Variants in GNB1L observed in about 807,000 individuals in gnomAD.
GNB1L encodes G protein subunit beta 1 like.
Under a neutral mutation model 29.1 loss-of-function variants are expected in GNB1L, and 20 were observed. That is an observed-to-expected ratio of 0.69 (90% CI 0.48 to 1.00). GNB1L has a LOEUF of 1.00. GNB1L is among the 50% of genes least tolerant of loss of function. GNB1L has a pLI of 0.00. For synonymous variants in GNB1L, 193 were observed against 206.5 expected, an observed-to-expected ratio of 0.93 and a Z score of 0.56; for missense variants, 421 against 464.9, an observed-to-expected ratio of 0.91 and a Z score of 0.87.
intron 2 of GNB1L, among the ~76,000 whole-genome samples, chr22:19,854,086 C>T (rs1263302775): frequency 6.6e-6 from 1 of 152,200 alleles, no homozygotes; most frequent in African/African-American, 2.4e-5. Flanking sequence ...AACCCTGGGC[C>T]GCACTCTCAC....
intron 2 of GNB1L, among the ~76,000 whole-genome samples, chr22:19,824,701 G>A (rs1479515020): frequency 1.3e-5 from 2 of 152,220 alleles, no homozygotes; most frequent in Admixed American, 6.5e-5. Context: ...GGGGACCAGC[G>A]GGTAGGTGCA....
Position 19,851,039 on chromosome 22 carries a change from T to C in GNB1L, c.-21+3404A>G, listed in dbSNP as rs549324793. On this transcript the variant is annotated intron_variant, in intron 2 of 7. Coordinates refer to ENST00000329517, the MANE Select transcript of GNB1L (RefSeq NM_053004.3). ...CAGCGCAGAGTCCAAAACAAGCGCA[T>C]CTTGCCCAGCTATGGGGTCTGAAGT... The C allele has an allele frequency of 1.5e-4, 223 of 1,446,106 alleles. No homozygotes were observed. The African/African-American group carries it at 3.0e-3, about 19-fold the overall frequency. The allele number at this position is 1,446,106 out of a possible 1,614,324, so 89.6% of individuals were successfully genotyped here.
chr22:19,785,921 ACCTGT>A lies in GNB1L; in HGVS notation c.*2783_*2787del, dbSNP rs1464325770. The A allele has an allele frequency of 6.6e-6, 1 of 152,280 alleles. No homozygotes were observed. The highest frequency in any genetic ancestry group is 1.9e-4 in the East Asian group (1 of 5,196). The allele number at this position is 152,280 out of a possible 1,614,324, so 9.4% of individuals were successfully genotyped here. Reference sequence around the variant, plus strand: ...CCAGGTTCTGTTGACACAAAGGCCGACCTGTCCAGAGCCACATGGCTCTGCTGTGG... The same window carrying A: ...CCAGGTTCTGTTGACACAAAGGCCGACCAGAGCCACATGGCTCTGCTGTGG... On this transcript the variant is annotated 3_prime_UTR_variant, in exon 8 of 8. Transcript: ENST00000329517. This position sits in a 1 kb window ranked among gnomAD's most constrained non-coding sequence, Gnocchi z 4.1.
chr22:19,851,086 T>A, intron 2 of GNB1L: 1 of 1,484,276 alleles, frequency 6.7e-7, no homozygotes. Context: ...ACCACTCTGC[T>A]CTGACTGGGG....
intron 2 of GNB1L, chr22:19,848,946 C>T: frequency 3.0e-6 from 3 of 985,510 alleles, no homozygotes; most frequent in Non-Finnish European, 2.4e-6. Flanking sequence ...ACTCTGGGTT[C>T]TACTGCCAGA....
At chr22:19,807,039 G>A (rs979873583) in intron 5 of GNB1L, among the ~76,000 whole-genome samples, 5 of 152,186 alleles carry the variant, frequency 3.3e-5, no homozygotes, top group Non-Finnish European at 5.9e-5. Flanking sequence ...AGAGCCCACC[G>A]ATTCTCTCTC....
At chr22:19,815,049 A>G (rs1228844275) in intron 4 of GNB1L, among the ~76,000 whole-genome samples, 1 of 151,928 alleles carries the variant, frequency 6.6e-6, no homozygotes, top group Non-Finnish European at 1.5e-5. Flanking sequence ...AAAAAAAAAA[A>G]GACCAAAATG....
At chr22:19,818,735 C>G (rs943825035) in intron 4 of GNB1L, among the ~76,000 whole-genome samples, 2 of 152,186 alleles carry the variant, frequency 1.3e-5, no homozygotes, top group African/African-American at 4.8e-5. Context: ...GGTGATGGCA[C>G]GGAGTTCCCT....
At chr22:19,850,335 G>A (rs1388383377) in intron 2 of GNB1L, 2 of 984,772 alleles carry the variant, frequency 2.0e-6, no homozygotes, top group East Asian at 2.3e-4. Context: ...TCTGCCAGGA[G>A]GGAGATCCAA....
chr22:19,824,316 G>A (rs1341756221), intron 2 of GNB1L, among the ~76,000 whole-genome samples: 1 of 152,056 alleles, frequency 6.6e-6, no homozygotes, highest in Non-Finnish European at 1.5e-5. Context: ...ATCTTGCCTG[G>A]CCCCAGGCTG....
rs753964349 is a variant in GNB1L at position 19,788,623 on chromosome 22, G to A, written c.*86C>T. 3 of 1,522,614 alleles carry A rather than the reference G, an allele frequency of 2.0e-6. No homozygotes were observed. In the South Asian group the frequency reaches 3.4e-5, roughly 17 times the overall value. 94.3% of individuals were successfully genotyped at this position (1,522,614 alleles called of 1,614,324 possible). On this transcript the variant is annotated 3_prime_UTR_variant, in exon 8 of 8. Coordinates refer to ENST00000329517, the MANE Select transcript of GNB1L (RefSeq NM_053004.3). ...GGGCCATGACTTGCTGGTCCTCAGA[G>A]GCCCTTGAGGTTTCAGGCCAAGGCT...
intron 7 of GNB1L, among the ~76,000 whole-genome samples, chr22:19,800,226 G>A (rs1937353744): frequency 6.6e-6 from 1 of 152,232 alleles, no homozygotes; most frequent in Admixed American, 6.5e-5. Context: ...AGTTCCAGCA[G>A]CTGTTTCCCA....
intron 2 of GNB1L, among the ~76,000 whole-genome samples, chr22:19,839,962 T>C (rs968519802): frequency 2.0e-5 from 3 of 151,242 alleles, no homozygotes; most frequent in African/African-American, 7.3e-5. Context: ...ACTCAAGAGG[T>C]TGAGGTGGTA....
intron 2 of GNB1L, among the ~76,000 whole-genome samples, chr22:19,824,059 C>T (rs945850695): frequency 2.0e-5 from 3 of 152,244 alleles, no homozygotes; most frequent in Non-Finnish European, 4.4e-5. Context: ...TCAAGTTCTC[C>T]TCTATTGTTT....
At chr22:19,837,000 T>A (rs1937775473) in intron 2 of GNB1L, among the ~76,000 whole-genome samples, 1 of 151,122 alleles carries the variant, frequency 6.6e-6, no homozygotes, top group Non-Finnish European at 1.5e-5. Flanking sequence ...GGAGTCTCGC[T>A]CTGTTGCCCA....
At position 19,787,553 on chromosome 22, in the gene GNB1L, C is replaced by T. The variant is rs1197950992; in HGVS notation, c.*1156G>A. The stretch of plus-strand genomic sequence containing the variant: ...CTCAGGGTCACCCTCTGTATCTCAT[C>T]CTGGGGGTCTGCTGGACTCGAGTCT... On this transcript the variant is annotated 3_prime_UTR_variant, in exon 8 of 8. Coordinates refer to ENST00000329517, the MANE Select transcript of GNB1L (RefSeq NM_053004.3). The T allele has an allele frequency of 6.6e-6, 1 of 152,350 alleles. No homozygotes were observed. Among genetic ancestry groups the T allele is most frequent in the Non-Finnish European group, 1.5e-5 (1 of 68,124 alleles). 9.4% of individuals were successfully genotyped at this position (152,350 alleles called of 1,614,324 possible). A position where few individuals can be genotyped will look rare whatever the true frequency, so the allele number is the denominator to read the frequency against.
chr22:19,835,287 T>C (rs748913436), intron 2 of GNB1L, among the ~76,000 whole-genome samples: 49 of 150,582 alleles, frequency 3.3e-4, no homozygotes, highest in Admixed American at 6.7e-4. Flanking sequence ...TGCCGCTCAG[T>C]AGAAGAAACA....
rs372693569 is a variant in GNB1L, at chr22:19,812,353, G to A, written c.349C>T (p.Arg117Trp). 18 of 1,613,160 alleles carry A rather than the reference G, an allele frequency of 1.1e-5. No homozygotes were observed. Among genetic ancestry groups the A allele is most frequent in the East Asian group, 2.2e-5 (1 of 44,872 alleles). ...TGGCCCCCGGCCAGGATGCTGCTCC[G>A]GCAGAAGCCCACACTCTCCAAGCAC... Reference protein sequence around the residue: ...SVCLESVGFCRSSILAGGQPR... With the variant: ...SVCLESVGFCWSSILAGGQPR... Residue 117 changes from arginine (R) to tryptophan (W), a missense_variant, in exon 5 of 8, where the codon CGG becomes TGG. Transcript: ENST00000329517.
At chr22:19,800,163 A>G (rs921290280) in intron 7 of GNB1L, among the ~76,000 whole-genome samples, 1 of 152,162 alleles carries the variant, frequency 6.6e-6, no homozygotes, top group Non-Finnish European at 1.5e-5. Context: ...CAATTCATCA[A>G]TCCGGTCAAG....
Sources: gnomAD v4.1 joint callset for allele counts (sites outside exome capture counted in the v4.1 genomes callset) on GRCh38, gnomAD v4.1.1 for gene constraint, Gnocchi (gnomAD v3.1) non-coding constraint, MANE v1.5 for transcripts, NCBI Gene and HGNC (gene_info 2026-07-23, HGNC 2026-07-21) for gene names.